The following MYRIP variants were observed in gnomAD, a reference collection of about 807,000 sequenced individuals.
MYRIP encodes myosin VIIA and Rab interacting protein.
MYRIP carries 49 observed loss-of-function variants against 98.0 expected under a neutral mutation model. The ratio of observed to expected loss-of-function variants is 0.50; its 90% CI spans 0.40 to 0.63. MYRIP has a LOEUF of 0.63. Among genes scored for constraint, MYRIP ranks in the 30% least tolerant of loss-of-function variants. The pLI is 0.00. For synonymous variants in MYRIP, 404 were observed against 409.5 expected (o/e 0.99, Z 0.16); for missense variants, 1,004 against 1,058.2 (o/e 0.95, Z 0.71).
At chr3:39,814,201 G>C (rs983566546) in intron 1 of MYRIP, among the ~76,000 whole-genome samples, 1 of 152,108 alleles carries the variant, frequency 6.6e-6, no homozygotes, top group African/African-American at 2.4e-5. Flanking sequence ...GCTCTCCTAG[G>C]TTTGGCAGGT....
intron 3 of MYRIP, among the ~76,000 whole-genome samples, chr3:40,046,818 C>A (rs1198847933): frequency 3.3e-5 from 5 of 151,906 alleles, no homozygotes; most frequent in Non-Finnish European, 7.4e-5. Context: ...CAGCATATTC[C>A]CCCACAAATA....
At chr3:40,004,610 G>T (rs1463913344) in intron 2 of MYRIP, among the ~76,000 whole-genome samples, 1 of 152,100 alleles carries the variant, frequency 6.6e-6, no homozygotes. Context: ...CCCATGTGTA[G>T]TCTTTTATCC....
chr3:39,951,996 A>G (rs1018602450), intron 2 of MYRIP, among the ~76,000 whole-genome samples: 13 of 152,108 alleles, frequency 8.5e-5, no homozygotes, highest in Non-Finnish European at 1.3e-4. Flanking sequence ...CATCACCACA[A>G]TCAGATTTAG....
At chr3:40,007,384 G>C (rs1946657910) in intron 2 of MYRIP, among the ~76,000 whole-genome samples, 1 of 151,710 alleles carries the variant, frequency 6.6e-6, no homozygotes, top group Non-Finnish European at 1.5e-5. Flanking sequence ...TTCTAAAACA[G>C]GCGATCCAAT....
intron 2 of MYRIP, among the ~76,000 whole-genome samples, chr3:39,941,890 A>G (rs1944793852): frequency 6.6e-6 from 1 of 151,828 alleles, no homozygotes; most frequent in Non-Finnish European, 1.5e-5. Context: ...GAAAAATAAA[A>G]CTTTTCCAGG....
intron 4 of MYRIP, 42 bp downstream of exon 4, chr3:40,151,226 G>C (rs759679697): frequency 6.4e-7 from 1 of 1,557,106 alleles, no homozygotes; most frequent in East Asian, 2.3e-5. Flanking sequence ...TTGGTGGGCT[G>C]GTGGGTAGAA....
At chr3:39,889,874 G>A (rs182705204) in intron 1 of MYRIP, among the ~76,000 whole-genome samples, 2 of 151,916 alleles carry the variant, frequency 1.3e-5, no homozygotes, top group East Asian at 3.9e-4. Context: ...TTACCTTTAT[G>A]GTTTCATTTT....
intron 2 of MYRIP, among the ~76,000 whole-genome samples, chr3:39,962,306 C>A (rs1014995343): frequency 2.0e-5 from 3 of 152,086 alleles, no homozygotes; most frequent in African/African-American, 4.8e-5. Flanking sequence ...AAACCCCTGA[C>A]CTGTTGTTAT....
chr3:39,990,178 A>G (rs895215412), intron 2 of MYRIP, among the ~76,000 whole-genome samples: 1 of 152,202 alleles, frequency 6.6e-6, no homozygotes, highest in Non-Finnish European at 1.5e-5. Flanking sequence ...GTTCCATGGA[A>G]AAAGGACATT....
intron 2 of MYRIP, among the ~76,000 whole-genome samples, chr3:40,031,154 T>G (rs1209610689): frequency 6.6e-6 from 1 of 152,106 alleles, no homozygotes. Context: ...TCAGCTGATT[T>G]GGTGTCTGTC....
chr3:39,862,628 G>C (rs1229498442), intron 1 of MYRIP, among the ~76,000 whole-genome samples: 5 of 152,212 alleles, frequency 3.3e-5, no homozygotes, highest in Non-Finnish European at 7.3e-5. Context: ...CAACACAGGA[G>C]CACCCAGATT....
intron 3 of MYRIP, among the ~76,000 whole-genome samples, chr3:40,080,791 CTTTTTTTTTTTT>C (rs34610302): frequency 2.7e-4 from 25 of 93,854 alleles, no homozygotes; most frequent in East Asian, 5.7e-4. Context: ...ATCCTAACTT[CTTTTTTTTTTTT>C]TTTTTTTTTT....
At chr3:39,827,557 T>C (rs1941307489) in intron 1 of MYRIP, among the ~76,000 whole-genome samples, 1 of 152,250 alleles carries the variant, frequency 6.6e-6, no homozygotes, top group South Asian at 2.1e-4. Flanking sequence ...GTATATCTTT[T>C]ATTCTTTACT....
At chr3:40,181,068 C>T (rs1208861233) in intron 8 of MYRIP, among the ~76,000 whole-genome samples, 2 of 152,174 alleles carry the variant, frequency 1.3e-5, no homozygotes, top group African/African-American at 4.8e-5. Context: ...ATCCTGTGCT[C>T]ATTTTTGCTG....
chr3:39,902,567 T>C (rs1943768427), intron 2 of MYRIP, among the ~76,000 whole-genome samples: 1 of 152,190 alleles, frequency 6.6e-6, no homozygotes, highest in Non-Finnish European at 1.5e-5. Context: ...GTGGAATGGA[T>C]GGATACATGT....
At chr3:39,883,823 T>C (rs1943219066) in intron 1 of MYRIP, among the ~76,000 whole-genome samples, 1 of 152,104 alleles carries the variant, frequency 6.6e-6, no homozygotes, top group South Asian at 2.1e-4. Flanking sequence ...GAAGATAGAC[T>C]ATCTGACCTG....
At chr3:40,119,366 T>C (rs780239387) in intron 3 of MYRIP, among the ~76,000 whole-genome samples, 1 of 152,254 alleles carries the variant, frequency 6.6e-6, no homozygotes, top group Non-Finnish European at 1.5e-5. Context: ...CTCCAGGATG[T>C]GTTCTTATGA....
chr3:39,857,295 G>C (rs975299353), intron 1 of MYRIP, among the ~76,000 whole-genome samples: 2 of 108,012 alleles, frequency 1.9e-5, no homozygotes, highest in Non-Finnish European at 3.8e-5. Flanking sequence ...GAGTATCTAT[G>C]AACCGATTGA....
At chr3:39,953,569 A>G (rs1176314661) in intron 2 of MYRIP, among the ~76,000 whole-genome samples, 2 of 152,168 alleles carry the variant, frequency 1.3e-5, no homozygotes, top group African/African-American at 4.8e-5. Flanking sequence ...GGTGGTTCCA[A>G]GATGGCCAAA....
Sources: allele counts gnomAD v4.1 joint callset (sites outside exome capture counted in the v4.1 genomes callset), GRCh38; gene constraint gnomAD v4.1.1; transcripts MANE v1.5; gene names NCBI Gene and HGNC (gene_info 2026-07-23, HGNC 2026-07-21).